Variants in CHD2 observed in about 807,000 individuals in gnomAD.
The protein encoded by CHD2 is chromodomain helicase DNA binding protein 2, also known as ATP-dependent chromatin remodeler CHD2.
A neutral mutation model predicts 243.9 loss-of-function variants in CHD2; 28 were observed. That is an observed-to-expected ratio of 0.11 (90% CI 0.09 to 0.16). The LOEUF (loss-of-function observed/expected upper bound fraction) is 0.16, where lower values mean the gene tolerates loss of function less well. Among genes scored for constraint, CHD2 ranks in the 10% least tolerant of loss-of-function variants. The pLI, the probability that CHD2 is intolerant of heterozygous loss-of-function variation, is 1.00. For missense variants in CHD2, 1,386 were observed against 2,209.8 expected (o/e 0.63, Z 7.47); for synonymous variants, 775 against 779.0 (o/e 0.99, Z 0.09).
intron 2 of CHD2, among the ~76,000 whole-genome samples, chr15:92,906,253 T>TTC (rs369399377): frequency 6.0e-5 from 9 of 151,094 alleles, no homozygotes; most frequent in Middle Eastern, 6.8e-3. Flanking sequence ...TTCTCTCTCT[T>TTC]TCTCTCTCTC....
At chr15:93,015,340 A>G (rs1466756688) in intron 37 of CHD2, among the ~76,000 whole-genome samples, 2 of 152,282 alleles carry the variant, frequency 1.3e-5, no homozygotes, top group East Asian at 3.9e-4. Context: ...CAGCCTCCCA[A>G]AATGTTGGGA....
At chr15:92,961,792 G>T (rs971338620) in intron 16 of CHD2, among the ~76,000 whole-genome samples, 2 of 150,250 alleles carry the variant, frequency 1.3e-5, no homozygotes, top group East Asian at 4.0e-4. Flanking sequence ...TTCTTGGTCA[G>T]TTCTAGCTAA....
chr15:92,914,291 CTT>C lies in CHD2; in HGVS notation c.63-10027_63-10026del, dbSNP rs933015873. On this transcript the variant is annotated intron_variant, in intron 2 of 38. Coordinates refer to ENST00000394196, the MANE Select transcript of CHD2 (RefSeq NM_001271.4). ...TTCACAGCTTGGTTATTTACAAAGA[CTT>C]TTGATTTTACCTGAATAGAAAGCTT... Among the ~76,000 whole-genome samples the C allele has an allele frequency of 1.3e-4, 20 of 152,294 alleles. No individual in the cohort carries two copies. In the East Asian group the frequency reaches 3.1e-3, roughly 24 times the overall value.
In CHD2 at chr15:92,939,628, A is replaced by T. The variant is rs1369732003; in HGVS notation, c.602A>T (p.Lys201Met). Residue 201 changes from lysine (K) to methionine (M), a missense_variant, in exon 7 of 39, where the codon AAG becomes ATG. By Grantham distance (95) the Lys-to-Met change is moderately conservative. Coordinates refer to ENST00000394196, the MANE Select transcript of CHD2 (RefSeq NM_001271.4). ...AAGCAGCCGAAGACTCAGCGTGGAA[A>T]GAGAAAAAAGCAAGATTCTTCTGAT... ...VKKQPKTQRG[K>M]RKKQDSSDED... 2 of 1,614,098 alleles carry T rather than the reference A, an allele frequency of 1.2e-6. No individual in the cohort carries two copies. Among genetic ancestry groups the T allele is most frequent in the Non-Finnish European group, 1.7e-6 (2 of 1,180,042 alleles).
chr15:92,965,707 A>G (rs1049023572), intron 16 of CHD2, among the ~76,000 whole-genome samples: 1 of 152,186 alleles, frequency 6.6e-6, no homozygotes, highest in African/African-American at 2.4e-5. Flanking sequence ...TCATAAACAA[A>G]TAAATGATAC....
chr15:92,912,722 AC>A (rs1218566528), intron 2 of CHD2, among the ~76,000 whole-genome samples: 1 of 147,976 alleles, frequency 6.8e-6, no homozygotes, highest in African/African-American at 2.7e-5. Flanking sequence ...TTTAGTAGAG[AC>A]AGGGGTTTCA....
At chr15:93,015,705 A>C (rs185501526) in intron 37 of CHD2, among the ~76,000 whole-genome samples, 2 of 152,234 alleles carry the variant, frequency 1.3e-5, no homozygotes, top group Non-Finnish European at 2.9e-5. Context: ...AAGGACCTGA[A>C]TAGACATTTC....
intron 38 of CHD2, among the ~76,000 whole-genome samples, chr15:93,022,668 T>C (rs2054547341): frequency 6.6e-6 from 1 of 152,178 alleles, no homozygotes; most frequent in Admixed American, 6.5e-5. Flanking sequence ...TCAAACTTCT[T>C]TCTCTGCAGC....
At chr15:93,001,061 G>A (rs1198917541) in intron 32 of CHD2, among the ~76,000 whole-genome samples, 2 of 152,164 alleles carry the variant, frequency 1.3e-5, no homozygotes, top group Non-Finnish European at 2.9e-5. Flanking sequence ...TAGAGATGGG[G>A]TTTCACCATG....
chr15:92,967,703 A>G (rs1466698454), intron 17 of CHD2, among the ~76,000 whole-genome samples, 190 bp downstream of exon 17: 3 of 148,078 alleles, frequency 2.0e-5, no homozygotes, highest in African/African-American at 7.5e-5. Context: ...TTTTTTTTGT[A>G]TTTTTAGTAG....
rs116702496 is a variant in CHD2 at position 92,977,507 on chromosome 15, T to C, written c.2578-727T>C. 4.2e-3 allele frequency among the ~76,000 whole-genome samples: 633 copies of C among 152,226 alleles called. 8 individuals carry two copies. Among genetic ancestry groups the C allele is most frequent in the African/African-American group, 0.014 (592 of 41,518 alleles). ...CTGAAAATAGAAATATTTCACCTTT[T>C]CCCCCCGGCTTATATATTTTATTCT... is the stretch of plus-strand genomic sequence containing the variant. On this transcript the variant is annotated intron_variant, in intron 20 of 38. Transcript: ENST00000394196.
intron 14 of CHD2, 55 bp downstream of exon 14, chr15:92,953,628 A>G (rs2053580989): frequency 2.0e-6 from 3 of 1,531,870 alleles, no homozygotes; most frequent in African/African-American, 1.4e-5. Flanking sequence ...TAATTTAGAA[A>G]TTCACTTAAA....
intron 27 of CHD2, 70 bp from the exon 28 acceptor site, chr15:92,992,781 AGGCCTAGT>A: frequency 6.5e-7 from 1 of 1,542,562 alleles, no homozygotes; most frequent in Non-Finnish European, 8.8e-7. Flanking sequence ...AGATTATGTG[AGGCCTAGT>A]GGCATCTCAT....
At chr15:92,940,083 G>T (rs989930510) in intron 7 of CHD2, among the ~76,000 whole-genome samples, 1 of 152,146 alleles carries the variant, frequency 6.6e-6, no homozygotes, top group African/African-American at 2.4e-5. Flanking sequence ...TTTTTCTGAG[G>T]TTCAGCTTAA....
chr15:92,909,985 TATATACAC>T (rs1434552272), intron 2 of CHD2, among the ~76,000 whole-genome samples: 22 of 151,726 alleles, frequency 1.4e-4, no homozygotes, highest in Non-Finnish European at 3.2e-4. Flanking sequence ...TATATGTATA[TATATACAC>T]ATATATACAT....
chr15:93,019,492 C>CA (rs1292743261), intron 37 of CHD2, among the ~76,000 whole-genome samples: 6 of 152,126 alleles, frequency 3.9e-5, no homozygotes, highest in Admixed American at 1.3e-4. Flanking sequence ...TAGCCAGCAG[C>CA]AACAAGACCA....
rs372786805 is a variant in CHD2 at position 93,009,298 on chromosome 15, C to A, written c.4567C>A (p.Gln1523Lys). The A allele has an allele frequency of 6.2e-7, 1 of 1,614,056 alleles. No homozygotes were observed. The highest frequency in any genetic ancestry group is 1.3e-5 in the African/African-American group (1 of 74,944). ...CGAGTGCCTTAAAGCCTACTCAGAT[C>A]AGGAGCACATCAAACTCTGGAGGAG... is the stretch of plus-strand genomic sequence containing the variant. ...IAECLKAYSDQEHIKLWRRNL... is the reference protein window; with the variant it reads ...IAECLKAYSDKEHIKLWRRNL... Residue 1523 changes from glutamine to lysine, a missense_variant, in exon 35 of 39, where the codon CAG becomes AAG. Gln to Lys is a moderately conservative substitution (Grantham distance 53). Coordinates refer to ENST00000394196, the MANE Select transcript of CHD2 (RefSeq NM_001271.4).
At chr15:93,001,251 A>G (rs527299372) in intron 32 of CHD2, among the ~76,000 whole-genome samples, 1 of 152,310 alleles carries the variant, frequency 6.6e-6, no homozygotes, top group East Asian at 1.9e-4. Context: ...GTGGTTAACC[A>G]GAGAGCTCAT....
At chr15:92,999,174 G>A (rs2054223526) in intron 31 of CHD2, among the ~76,000 whole-genome samples, 1 of 148,348 alleles carries the variant, frequency 6.7e-6, no homozygotes, top group African/African-American at 2.5e-5. Flanking sequence ...CTTCTGAAAT[G>A]TTGCTTCAAA....
Sources: gnomAD v4.1 joint callset for allele counts (sites outside exome capture counted in the v4.1 genomes callset) on GRCh38, gnomAD v4.1.1 for gene constraint, MANE v1.5 for transcripts, NCBI Gene and HGNC (gene_info 2026-07-23, HGNC 2026-07-21) for gene names.